Variants in GNB4 observed in about 807,000 individuals in gnomAD.
GNB4 encodes G protein subunit beta 4.
A neutral mutation model predicts 45.2 loss-of-function variants in GNB4; 28 were observed. That is an observed-to-expected ratio of 0.62 (90% CI 0.46 to 0.85). GNB4 has a LOEUF of 0.85. GNB4 is among the 40% of genes least tolerant of loss of function. The pLI is 0.00. For missense variants in GNB4, 321 were observed against 425.4 expected, an observed-to-expected ratio of 0.75 and a Z score of 2.16; for synonymous variants, 132 against 143.7, an observed-to-expected ratio of 0.92 and a Z score of 0.58.
intron 1 of GNB4, among the ~76,000 whole-genome samples, chr3:179,447,247 G>A (rs999958724): frequency 2.6e-5 from 4 of 151,230 alleles, no homozygotes; most frequent in Non-Finnish European, 5.9e-5. Context: ...CTACAGCAGT[G>A]ACGATGGCGA....
chr3:179,396,462 AAAC>A lies in GNB4; in HGVS notation c.*4748_*4750del, dbSNP rs1056367317. On this transcript the variant is annotated 3_prime_UTR_variant, in exon 10 of 10. Transcript: ENST00000232564. The stretch of plus-strand genomic sequence containing the variant: ...GTGTTCAGATGCTTCTTTGAAAAGA[AAAC>A]AATAGGATAGAGCACCATTGTGTAA... The A allele has an allele frequency of 6.6e-6, 1 of 152,242 alleles. No homozygotes were observed. Among genetic ancestry groups the A allele is most frequent in the Non-Finnish European group, 1.5e-5 (1 of 68,042 alleles). 9.4% of individuals were successfully genotyped at this position (152,242 alleles called of 1,614,324 possible).
the GNB4 span, among the ~76,000 whole-genome samples, chr3:179,500,444 A>C: frequency 6.6e-6 from 1 of 152,046 alleles, no homozygotes; most frequent in Non-Finnish European, 1.5e-5. Flanking sequence ...TGGTCTATAT[A>C]TCTGTTTTGG....
the GNB4 span, among the ~76,000 whole-genome samples, chr3:179,474,949 G>C: frequency 6.6e-6 from 1 of 151,262 alleles, no homozygotes. Context: ...AAAAAAAATC[G>C]ATTCCTTATC....
chr3:179,428,834 C>G (rs920282031), intron 1 of GNB4, among the ~76,000 whole-genome samples: 2 of 152,068 alleles, frequency 1.3e-5, no homozygotes, highest in Admixed American at 6.6e-5. Flanking sequence ...CTGTCCTTCC[C>G]CCAAAGCCAC....
chr3:179,501,056 G>C, the GNB4 span, among the ~76,000 whole-genome samples: 1 of 152,188 alleles, frequency 6.6e-6, no homozygotes, highest in Non-Finnish European at 1.5e-5. Context: ...TCTCTCAGTT[G>C]AGTAAGCTCT....
rs566180996 is a variant in GNB4, at chr3:179,419,291, C to T, written c.203+108G>A. On this transcript the variant is annotated intron_variant, in intron 4 of 9. Transcript: ENST00000232564. ...TCATCTGAGATGCATTTTCTGCAAA[C>T]GCTTCATGAATATATTCTGTTTTTA... 4.5e-3 allele frequency: 3,370 copies of T among 751,808 alleles called. 16 individuals are homozygous for T. The highest frequency in any genetic ancestry group is 6.2e-3 in the Non-Finnish European group (2,623 of 422,782). The allele number at this position is 751,808 out of a possible 1,614,324, so 46.6% of individuals were successfully genotyped here.
At chr3:179,443,199 C>T (rs564140822) in intron 1 of GNB4, among the ~76,000 whole-genome samples, 62 of 152,238 alleles carry the variant, frequency 4.1e-4, no homozygotes, top group African/African-American at 1.2e-3. Context: ...ACCATAGTCA[C>T]GGAAAAGTAG....
At chr3:179,477,585 G>T in the GNB4 span, among the ~76,000 whole-genome samples, 2 of 152,066 alleles carry the variant, frequency 1.3e-5, no homozygotes, top group African/African-American at 4.8e-5. Flanking sequence ...CACTTAAGAA[G>T]ATTACACTGG....
the GNB4 span, among the ~76,000 whole-genome samples, chr3:179,473,358 G>A: frequency 2.0e-5 from 3 of 152,000 alleles, no homozygotes; most frequent in South Asian, 2.1e-4. Context: ...AATACAGAGC[G>A]GTCCTTTGTA....
chr3:179,477,047 C>G, the GNB4 span, among the ~76,000 whole-genome samples: 6 of 152,140 alleles, frequency 3.9e-5, no homozygotes, highest in Admixed American at 1.3e-4. Context: ...GTCTGCCCTT[C>G]TAGAGCTCTG....
chr3:179,441,021 G>A (rs1430101447), intron 1 of GNB4, among the ~76,000 whole-genome samples: 1 of 152,074 alleles, frequency 6.6e-6, no homozygotes, highest in Admixed American at 6.6e-5. Flanking sequence ...ACTCCTAAAA[G>A]TACATAAGAA....
the GNB4 span, among the ~76,000 whole-genome samples, chr3:179,487,780 T>C: frequency 2.0e-5 from 3 of 152,068 alleles, no homozygotes. Flanking sequence ...GCCAGGTGCG[T>C]TGGCTCACAC....
intron 2 of GNB4, among the ~76,000 whole-genome samples, chr3:179,421,667 T>C (rs1457348897): frequency 6.6e-6 from 1 of 152,210 alleles, no homozygotes; most frequent in Non-Finnish European, 1.5e-5. Flanking sequence ...CTTGTTCCAG[T>C]CAGCCGAGGG....
At chr3:179,489,002 AAAAAAAAAAAAAAAAAAATATAT>A in the GNB4 span, among the ~76,000 whole-genome samples, 1 of 36,618 alleles carries the variant, frequency 2.7e-5, no homozygotes, top group Non-Finnish European at 4.5e-5. Context: ...AAAAAAAAAA[AAAAAAAAAAAAAAAAAAATATAT>A]ATATATATAT....
Position 179,397,223 on chromosome 3 carries a change from T to C in GNB4, c.*3990A>G, listed in dbSNP as rs756664930. On this transcript the variant is annotated 3_prime_UTR_variant, in exon 10 of 10. Coordinates refer to ENST00000232564, the MANE Select transcript of GNB4 (RefSeq NM_021629.4). ...ACAAGTATTCAATTGTGTTACAACTTAGATCTGAGACATTTACATCAAAGC... is the reference window on the plus strand; with the variant it reads ...ACAAGTATTCAATTGTGTTACAACTCAGATCTGAGACATTTACATCAAAGC... 2.0e-5 allele frequency: 3 copies of C among 152,226 alleles called. No individual in the cohort carries two copies. The highest frequency in any genetic ancestry group is 4.4e-5 in the Non-Finnish European group (3 of 68,034). 9.4% of individuals were successfully genotyped at this position (152,226 alleles called of 1,614,324 possible). A position where few individuals can be genotyped will look rare whatever the true frequency, so the allele number is the denominator to read the frequency against.
the GNB4 span, among the ~76,000 whole-genome samples, chr3:179,498,748 G>GTTTTT: frequency 3.4e-5 from 4 of 117,586 alleles, no homozygotes; most frequent in Admixed American, 8.3e-5. Context: ...GTTGAGGTTT[G>GTTTTT]GTTTTTTTTT....
At chr3:179,453,867 T>TA (rs1384306951), upstream of GNB4, among the ~76,000 whole-genome samples, 3 of 151,986 alleles carry the variant, frequency 2.0e-5, no homozygotes, top group Non-Finnish European at 2.9e-5. Context: ...AAAAAAAACT[T>TA]ACTTGTTAAA....
At chr3:179,475,076 A>G in the GNB4 span, among the ~76,000 whole-genome samples, 1 of 152,158 alleles carries the variant, frequency 6.6e-6, no homozygotes, top group East Asian at 1.9e-4. Flanking sequence ...CAAGAGACAG[A>G]GACAGAGAGG....
At chr3:179,425,359 G>C (rs1448522974) in intron 2 of GNB4, among the ~76,000 whole-genome samples, 4 of 152,180 alleles carry the variant, frequency 2.6e-5, no homozygotes, top group Non-Finnish European at 5.9e-5. Flanking sequence ...TGAAGTTCTA[G>C]TGTCTGTTAA....
Sources: allele counts gnomAD v4.1 joint callset (sites outside exome capture counted in the v4.1 genomes callset), GRCh38; gene constraint gnomAD v4.1.1; transcripts MANE v1.5; gene names NCBI Gene and HGNC (gene_info 2026-07-23, HGNC 2026-07-21).